ABCC4: variants seen among roughly 807,000 people sequenced by gnomAD.
The protein encoded by ABCC4 is ATP binding cassette subfamily C member 4 (PEL blood group), also known as ATP-binding cassette sub-family C member 4.
Under a neutral mutation model 168.5 loss-of-function variants are expected in ABCC4, and 102 were observed. That is an observed-to-expected ratio of 0.61 (90% CI 0.52 to 0.71). The LOEUF (loss-of-function observed/expected upper bound fraction) is 0.71. Ranked by LOEUF, ABCC4 falls within the 30% of genes least tolerant of loss-of-function variation. ABCC4 has a pLI of 0.00. For synonymous variants in ABCC4, 617 were observed against 590.7 expected, an observed-to-expected ratio of 1.04 and a Z score of -0.65; for missense variants, 1,402 against 1,605.8, an observed-to-expected ratio of 0.87 and a Z score of 2.17.
chr13:95,029,195 TATATATATATATATATATAGAGAGAGAG>T (rs1566355244), intron 30 of ABCC4, among the ~76,000 whole-genome samples: 4 of 79,264 alleles, frequency 5.0e-5, no homozygotes, highest in African/African-American at 2.2e-4. Context: ...TATATATATA[TATATATATATATATATATAGAGAGAGAG>T]AGAGAGAGAG....
chr13:95,136,199 T>C (rs1594160331), intron 19 of ABCC4, among the ~76,000 whole-genome samples: 1 of 150,682 alleles, frequency 6.6e-6, no homozygotes, highest in African/African-American at 2.4e-5. Context: ...GAGACGGGGG[T>C]TTTCACTCCC....
chr13:95,242,017 A>G (rs1179526752), intron 3 of ABCC4, among the ~76,000 whole-genome samples: 1 of 152,094 alleles, frequency 6.6e-6, no homozygotes, highest in Non-Finnish European at 1.5e-5. Context: ...CCAAGGTCTG[A>G]TCTTTCACAC....
chr13:95,281,982 C>G (rs902896936), intron 1 of ABCC4, among the ~76,000 whole-genome samples: 6 of 152,040 alleles, frequency 3.9e-5, no homozygotes, highest in African/African-American at 1.4e-4. Flanking sequence ...TAGCACGCAC[C>G]GGTAGTCCCA....
intron 24 of ABCC4, among the ~76,000 whole-genome samples, chr13:95,072,438 G>A (rs1246697676): frequency 1.3e-5 from 2 of 151,952 alleles, no homozygotes; most frequent in South Asian, 2.1e-4. Flanking sequence ...TCCAGCCTGG[G>A]GTACAAGAGC....
chr13:95,165,323 T>C (rs949249029), intron 15 of ABCC4, among the ~76,000 whole-genome samples: 1 of 152,130 alleles, frequency 6.6e-6, no homozygotes, highest in African/African-American at 2.4e-5. Flanking sequence ...ATGATCCTAA[T>C]CTATTTGGTT....
intron 13 of ABCC4, among the ~76,000 whole-genome samples, chr13:95,172,065 T>G (rs1330859624): frequency 6.6e-6 from 1 of 152,240 alleles, no homozygotes; most frequent in African/African-American, 2.4e-5. Flanking sequence ...TTTCAAAATG[T>G]TTTCTTCCTA....
At chr13:95,170,809 A>G (rs2037444249) in intron 13 of ABCC4, among the ~76,000 whole-genome samples, 181 bp from the exon 14 acceptor site, 1 of 152,206 alleles carries the variant, frequency 6.6e-6, no homozygotes, top group Admixed American at 6.5e-5. Flanking sequence ...CACTAGCAGC[A>G]AATACGAGCC....
intron 4 of ABCC4, among the ~76,000 whole-genome samples, chr13:95,217,138 A>C (rs2039137628): frequency 6.6e-6 from 1 of 152,240 alleles, no homozygotes; most frequent in African/African-American, 2.4e-5. Context: ...AATACATTTG[A>C]GATTACAAGA....
intron 20 of ABCC4, among the ~76,000 whole-genome samples, chr13:95,102,404 C>T (rs1405325109): frequency 6.6e-6 from 1 of 152,020 alleles, no homozygotes; most frequent in Non-Finnish European, 1.5e-5. Flanking sequence ...GGTCGGCCTC[C>T]CAAATTGCTA....
chr13:95,113,755 CGGGAGAAAG>C (rs899216522), intron 20 of ABCC4, among the ~76,000 whole-genome samples: 4 of 152,034 alleles, frequency 2.6e-5, no homozygotes, highest in Admixed American at 2.6e-4. Context: ...TGCAAATCCC[CGGGAGAAAG>C]GCTCGGCACA....
intron 5 of ABCC4, 55 bp from the exon 6 acceptor site, chr13:95,209,652 G>A (rs2038897035): frequency 3.9e-6 from 6 of 1,520,800 alleles, no homozygotes; most frequent in Non-Finnish European, 5.4e-6. Context: ...AAACCAGTAA[G>A]AACACAGTAC....
intron 19 of ABCC4, among the ~76,000 whole-genome samples, chr13:95,141,884 C>T (rs61965885): frequency 0.2 from 29,756 of 152,056 alleles, 3,835 homozygotes; most frequent in African/African-American, 0.37. Context: ...TACAGGTGTG[C>T]ACCACAGTGT....
At chr13:95,210,509 A>C (rs1164337506) in intron 5 of ABCC4, among the ~76,000 whole-genome samples, 183 bp downstream of exon 5, 3 of 152,206 alleles carry the variant, frequency 2.0e-5, no homozygotes, top group Non-Finnish European at 4.4e-5. Flanking sequence ...AGTCACAGCT[A>C]ATCAGGAGGC....
At chr13:95,102,229 C>T (rs537724350) in intron 20 of ABCC4, among the ~76,000 whole-genome samples, 11 of 152,140 alleles carry the variant, frequency 7.2e-5, no homozygotes, top group Non-Finnish European at 1.2e-4. Flanking sequence ...ACTGCAACCT[C>T]GAACTTCTGG....
chr13:95,295,005 A>G (rs2138962941), intron 1 of ABCC4, among the ~76,000 whole-genome samples: 1 of 152,234 alleles, frequency 6.6e-6, no homozygotes, highest in South Asian at 2.1e-4. Context: ...AGGCACTCAA[A>G]TGTTTGCTAA....
intron 1 of ABCC4, among the ~76,000 whole-genome samples, chr13:95,283,052 T>G (rs1033851869): frequency 2.6e-5 from 4 of 151,242 alleles, no homozygotes; most frequent in Admixed American, 1.3e-4. Flanking sequence ...CCATCTCTAC[T>G]AAAAATACAA....
chr13:95,069,530 G>GGA (rs1368691112), intron 25 of ABCC4, among the ~76,000 whole-genome samples: 5 of 152,080 alleles, frequency 3.3e-5, no homozygotes, highest in Non-Finnish European at 5.9e-5. Flanking sequence ...CATTCATGTT[G>GGA]TTGGGCAACC....
At chr13:95,195,604 T>G (rs1264328141) in intron 8 of ABCC4, among the ~76,000 whole-genome samples, 1 of 152,220 alleles carries the variant, frequency 6.6e-6, no homozygotes, top group Non-Finnish European at 1.5e-5. Flanking sequence ...ACATATTTTA[T>G]AAGCTTCTTT....
rs141313826 is a variant in ABCC4, at chr13:95,140,750, T to C, written c.2455+20439A>G. On this transcript the variant is annotated intron_variant, in intron 19 of 30. Coordinates refer to ENST00000645237, the MANE Select transcript of ABCC4 (RefSeq NM_005845.5). ...TTGGCCTAGTATCTATCGATTTCTA[T>C]GGCTAATTTTTTCATACTAGTTCTT... Among the ~76,000 whole-genome samples the C allele has an allele frequency of 2.1e-3, 318 of 152,348 alleles. 3 individuals are homozygous for C. Among genetic ancestry groups the C allele is most frequent in the African/African-American group, 7.4e-3 (306 of 41,578 alleles).
Sources: gnomAD v4.1 joint callset for allele counts (sites outside exome capture counted in the v4.1 genomes callset) on GRCh38, gnomAD v4.1.1 for gene constraint, MANE v1.5 for transcripts, NCBI Gene and HGNC (gene_info 2026-07-23, HGNC 2026-07-21) for gene names.